Variants in LDB2 observed in about 807,000 individuals in gnomAD.
The protein encoded by LDB2 is LIM domain binding 2.
Under a neutral mutation model 44.3 loss-of-function variants are expected in LDB2, and 12 were observed. The ratio of observed to expected loss-of-function variants is 0.27; its 90% CI spans 0.17 to 0.44. LDB2 has a LOEUF of 0.44. Ranked by LOEUF, LDB2 falls within the 20% of genes least tolerant of loss-of-function variation. LDB2 has a pLI of 1.00. For synonymous variants in LDB2, 164 were observed against 174.8 expected (o/e 0.94, Z 0.49); for missense variants, 344 against 473.5 (o/e 0.73, Z 2.54).
chr4:16,740,862 T>C (rs1245956702), intron 2 of LDB2, among the ~76,000 whole-genome samples: 3 of 152,206 alleles, frequency 2.0e-5, no homozygotes, highest in Admixed American at 6.5e-5. Context: ...TTACTTATAA[T>C]AGAAAAAATC....
At chr4:16,830,471 T>C (rs921609088) in intron 1 of LDB2, among the ~76,000 whole-genome samples, 3 of 152,224 alleles carry the variant, frequency 2.0e-5, no homozygotes, top group Non-Finnish European at 4.4e-5. Flanking sequence ...TGTTTATAAA[T>C]TACCCAGTCT....
intron 2 of LDB2, among the ~76,000 whole-genome samples, chr4:16,669,120 A>G (rs555478257): frequency 1.8e-4 from 28 of 152,366 alleles, no homozygotes; most frequent in African/African-American, 6.0e-4. Flanking sequence ...GAGCAACCAA[A>G]GCAAGAATCA....
intron 2 of LDB2, among the ~76,000 whole-genome samples, chr4:16,737,743 CAAAG>C (rs758218256): frequency 8.5e-5 from 13 of 152,172 alleles, no homozygotes; most frequent in Non-Finnish European, 1.9e-4. Flanking sequence ...ACTTGGAAAA[CAAAG>C]AAAAATCAGA....
intron 1 of LDB2, among the ~76,000 whole-genome samples, chr4:16,796,147 T>A (rs1333992121): frequency 1.3e-5 from 2 of 151,620 alleles, no homozygotes; most frequent in African/African-American, 2.4e-5. Context: ...AATTAGCCCG[T>A]CATGGTGGTG....
At chr4:16,614,589 A>AC (rs1560637583) in intron 2 of LDB2, among the ~76,000 whole-genome samples, 77 of 121,914 alleles carry the variant, frequency 6.3e-4, no homozygotes, top group African/African-American at 2.0e-3. Flanking sequence ...ACAAAAAAAA[A>AC]AAAAAAAAAA....
chr4:16,752,838 C>T (rs2671918), intron 2 of LDB2, among the ~76,000 whole-genome samples: 4 of 151,164 alleles, frequency 2.6e-5, no homozygotes, highest in Non-Finnish European at 5.9e-5. Flanking sequence ...AATGAATCTG[C>T]GTGGATCCAA....
intron 5 of LDB2, among the ~76,000 whole-genome samples, chr4:16,531,985 C>T (rs1425253109): frequency 6.7e-6 from 1 of 150,064 alleles, no homozygotes; most frequent in Non-Finnish European, 1.5e-5. Flanking sequence ...GGATAAAACC[C>T]TCTAATAAAA....
At chr4:16,565,141 T>C (rs1744036698) in intron 5 of LDB2, among the ~76,000 whole-genome samples, 1 of 152,210 alleles carries the variant, frequency 6.6e-6, no homozygotes, top group Non-Finnish European at 1.5e-5. Context: ...AAAATCAGCA[T>C]GAAGTCAAAT....
chr4:16,553,319 AT>A (rs368333452), intron 5 of LDB2, among the ~76,000 whole-genome samples: 1,538 of 149,684 alleles, frequency 0.01, 25 homozygotes, highest in African/African-American at 0.036. Flanking sequence ...TGCCCAGTTA[AT>A]TTTTTTTTTG....
intron 1 of LDB2, among the ~76,000 whole-genome samples, chr4:16,813,609 T>C (rs1295047590): frequency 6.6e-6 from 1 of 152,140 alleles, no homozygotes; most frequent in Non-Finnish European, 1.5e-5. Context: ...CAAAACACTC[T>C]TAGATACATT....
At chr4:16,721,292 A>T (rs1228665441) in intron 2 of LDB2, among the ~76,000 whole-genome samples, 1 of 152,130 alleles carries the variant, frequency 6.6e-6, no homozygotes, top group East Asian at 1.9e-4. Context: ...AATTATCCAC[A>T]TTGATAACTG....
intron 5 of LDB2, among the ~76,000 whole-genome samples, chr4:16,571,338 T>C (rs1328391537): frequency 6.6e-6 from 1 of 152,102 alleles, no homozygotes; most frequent in Non-Finnish European, 1.5e-5. Flanking sequence ...AAGTCTCAGA[T>C]CAACAGGGAT....
At chr4:16,737,069 T>G (rs151071903) in intron 2 of LDB2, among the ~76,000 whole-genome samples, 104 of 152,316 alleles carry the variant, frequency 6.8e-4, no homozygotes, top group South Asian at 6.4e-3. Context: ...ATTTTTTTTG[T>G]AACAATAACT....
intron 1 of LDB2, among the ~76,000 whole-genome samples, chr4:16,838,992 C>T (rs972472225): frequency 6.6e-6 from 1 of 152,146 alleles, no homozygotes; most frequent in African/African-American, 2.4e-5. Context: ...AAGAGCAGAC[C>T]AGCTTCCCCA....
intron 2 of LDB2, among the ~76,000 whole-genome samples, chr4:16,621,579 G>T (rs993267119): frequency 6.6e-6 from 1 of 151,952 alleles, no homozygotes; most frequent in African/African-American, 2.4e-5. Flanking sequence ...CAGAGACAGG[G>T]TCTTGCTCTG....
intron 5 of LDB2, among the ~76,000 whole-genome samples, chr4:16,557,844 G>A (rs1306591239): frequency 6.6e-5 from 10 of 152,120 alleles, no homozygotes; most frequent in East Asian, 1.9e-4. Flanking sequence ...CACCTCACAC[G>A]GCCGGGTACT....
At chr4:16,740,592 T>C (rs1399062533) in intron 2 of LDB2, among the ~76,000 whole-genome samples, 1 of 152,266 alleles carries the variant, frequency 6.6e-6, no homozygotes, top group African/African-American at 2.4e-5. Context: ...TGTCTCATGC[T>C]AATGTGATAC....
chr4:16,509,975 T>C (rs966729234), intron 6 of LDB2, among the ~76,000 whole-genome samples: 10 of 152,104 alleles, frequency 6.6e-5, no homozygotes, highest in African/African-American at 2.4e-4. Flanking sequence ...ATTAGCCAGG[T>C]GTGGTGATAC....
chr4:16,570,462 C>CAAAA (rs71181175), intron 5 of LDB2, among the ~76,000 whole-genome samples: 314 of 16,606 alleles, frequency 0.019, 130 homozygotes, highest in Non-Finnish European at 0.039. Context: ...GACTCTGTCT[C>CAAAA]AAAAAAAAAA....
Sources: allele counts gnomAD v4.1 joint callset (sites outside exome capture counted in the v4.1 genomes callset), GRCh38; gene constraint gnomAD v4.1.1; transcripts MANE v1.5; gene names NCBI Gene and HGNC (gene_info 2026-07-23, HGNC 2026-07-21).